TMEM196: variants seen among roughly 807,000 people sequenced by gnomAD.
The protein encoded by TMEM196 is transmembrane protein 196.
A neutral mutation model predicts 20.0 loss-of-function variants in TMEM196; 17 were observed. That is an observed-to-expected ratio of 0.85 (90% CI 0.58 to 1.27). The LOEUF (loss-of-function observed/expected upper bound fraction) is 1.27, where lower values mean the gene tolerates loss of function less well. Among genes scored for constraint, TMEM196 ranks in the 50% most tolerant of loss-of-function variants. The pLI, the probability that TMEM196 is intolerant of heterozygous loss-of-function variation, is 0.00. For missense variants in TMEM196, 267 were observed against 223.0 expected, an observed-to-expected ratio of 1.20 and a Z score of -1.26; for synonymous variants, 113 against 88.9, an observed-to-expected ratio of 1.27 and a Z score of -1.52.
chr7:19,757,848 C>T (rs1785278394), intron 1 of TMEM196, among the ~76,000 whole-genome samples: 1 of 151,840 alleles, frequency 6.6e-6, no homozygotes, highest in Admixed American at 6.6e-5. Flanking sequence ...ATATGCTGTA[C>T]TCTATCCATG....
intron 1 of TMEM196, among the ~76,000 whole-genome samples, chr7:19,761,291 C>G (rs558525549): frequency 2.6e-5 from 4 of 152,266 alleles, no homozygotes; most frequent in Admixed American, 2.6e-4. Context: ...ATGCAATGTT[C>G]TTTTTTCCTT....
chr7:19,771,117 C>G (rs567535417), intron 1 of TMEM196, among the ~76,000 whole-genome samples: 37 of 152,018 alleles, frequency 2.4e-4, no homozygotes, highest in Non-Finnish European at 4.7e-4. Context: ...ACAACAAAAA[C>G]AAGAACAATA....
intron 1 of TMEM196, among the ~76,000 whole-genome samples, chr7:19,748,593 G>T (rs1367862723): frequency 1.3e-5 from 2 of 152,178 alleles, no homozygotes; most frequent in East Asian, 3.9e-4. Context: ...TCCGTCTGAT[G>T]ATGGTAGTAC....
At chr7:19,748,480 A>C (rs992502753) in intron 1 of TMEM196, among the ~76,000 whole-genome samples, 1 of 152,144 alleles carries the variant, frequency 6.6e-6, no homozygotes, top group South Asian at 2.1e-4. Flanking sequence ...AATTTAAGTG[A>C]TTCTGTCCGC....
At chr7:19,746,772 C>T (rs1757805389) in intron 1 of TMEM196, among the ~76,000 whole-genome samples, 1 of 152,160 alleles carries the variant, frequency 6.6e-6, no homozygotes, top group Non-Finnish European at 1.5e-5. Flanking sequence ...GGGCCACCTT[C>T]CAAAATAATT....
In TMEM196 at chr7:19,724,314, G is replaced by A; in HGVS notation, c.499C>T (p.Pro167Ser). ...AIEITDLPSC[P>S]VVPPTPELPT... ...AACTCTGGTGTCGGGGGCACCACCGGGCAGCTGGGCAAGTCGGTTATTTCA... is the reference window on the plus strand; with the variant it reads ...AACTCTGGTGTCGGGGGCACCACCGAGCAGCTGGGCAAGTCGGTTATTTCA... Residue 167 changes from proline to serine, a missense_variant, in exon 4 of 5, where the codon CCG (proline) becomes TCG (serine). By Grantham distance (74) the Pro-to-Ser change is moderately conservative (BLOSUM62 -1). Transcript: ENST00000405844. 6.5e-7 allele frequency: 1 copy of A among 1,550,266 alleles called. No individual in the cohort carries two copies. Among genetic ancestry groups the A allele is most frequent in the Non-Finnish European group, 8.7e-7 (1 of 1,146,838 alleles).
At chr7:19,766,625 G>GGA (rs1474048190) in intron 1 of TMEM196, among the ~76,000 whole-genome samples, 1 of 151,164 alleles carries the variant, frequency 6.6e-6, no homozygotes, top group Non-Finnish European at 1.5e-5. Context: ...AATGAAATTT[G>GGA]GATCACTTCA....
intron 1 of TMEM196, among the ~76,000 whole-genome samples, chr7:19,756,008 C>G (rs1785194240): frequency 6.7e-6 from 1 of 150,260 alleles, no homozygotes; most frequent in African/African-American, 2.5e-5. Context: ...CAGCCTCCAG[C>G]CTGGACAGCA....
chr7:19,764,924 A>G (rs902905053), intron 1 of TMEM196, among the ~76,000 whole-genome samples: 1 of 152,192 alleles, frequency 6.6e-6, no homozygotes, highest in African/African-American at 2.4e-5. Context: ...GGCCTCAGCG[A>G]AAGTTTTTCA....
chr7:19,770,830 AT>A (rs1224200477), intron 1 of TMEM196, among the ~76,000 whole-genome samples: 2 of 152,090 alleles, frequency 1.3e-5, no homozygotes, highest in South Asian at 2.1e-4. Context: ...ATATTTAATC[AT>A]TTTTTTCTTA....
At chr7:19,767,584 A>G (rs1785687038) in intron 1 of TMEM196, among the ~76,000 whole-genome samples, 1 of 152,040 alleles carries the variant, frequency 6.6e-6, no homozygotes, top group Non-Finnish European at 1.5e-5. Flanking sequence ...TTGATGAGGG[A>G]GTAGGGAAAA....
At chr7:19,745,633 G>A (rs1490072161) in intron 1 of TMEM196, among the ~76,000 whole-genome samples, 2 of 150,210 alleles carry the variant, frequency 1.3e-5, no homozygotes, top group African/African-American at 4.9e-5. Context: ...AAAGAGACAT[G>A]GCTAGAAAAT....
At chr7:19,760,156 C>G (rs1194321713) in intron 1 of TMEM196, among the ~76,000 whole-genome samples, 1 of 152,032 alleles carries the variant, frequency 6.6e-6, no homozygotes, top group African/African-American at 2.4e-5. Flanking sequence ...CATTCAGTTT[C>G]TGAAACACAC....
chr7:19,747,589 T>C (rs1269589378), intron 1 of TMEM196, among the ~76,000 whole-genome samples: 3 of 152,236 alleles, frequency 2.0e-5, no homozygotes, highest in Non-Finnish European at 4.4e-5. Flanking sequence ...TTTCATGTCA[T>C]ACAGCAGGCA....
At chr7:19,769,609 A>C (rs548365698) in intron 1 of TMEM196, among the ~76,000 whole-genome samples, 4 of 152,266 alleles carry the variant, frequency 2.6e-5, no homozygotes, top group Admixed American at 2.6e-4. Context: ...ACTACAGTCC[A>C]TTCAATTTAC....
At chr7:19,749,481 G>C (rs1011250982) in intron 1 of TMEM196, among the ~76,000 whole-genome samples, 35 of 152,060 alleles carry the variant, frequency 2.3e-4, no homozygotes, top group African/African-American at 8.0e-4. Context: ...ACAAACCCTT[G>C]GTAATAACCC....
chr7:19,727,109 G>A (rs534027549), intron 2 of TMEM196, among the ~76,000 whole-genome samples: 82 of 152,006 alleles, frequency 5.4e-4, no homozygotes, highest in Non-Finnish European at 8.4e-4. Context: ...TTTCATTGAC[G>A]GTTGAGTTTA....
In TMEM196 at chr7:19,724,268, A is replaced by G; in HGVS notation, c.533+12T>C. 2 of 1,550,274 alleles carry G rather than the reference A, an allele frequency of 1.3e-6. No homozygotes were observed. The highest frequency in any genetic ancestry group is 1.7e-6 in the Non-Finnish European group (2 of 1,146,736). On this transcript the variant is annotated intron_variant, in intron 4 of 4. Transcript: ENST00000405844. ...ACATTACAACATGGTAACTCCCTAG[A>G]AATCAGCGTACCTTGTAGGTAACTC...
At chr7:19,758,527 A>G (rs1785306015) in intron 1 of TMEM196, among the ~76,000 whole-genome samples, 1 of 152,164 alleles carries the variant, frequency 6.6e-6, no homozygotes, top group Admixed American at 6.5e-5. Context: ...AAAAAAACAG[A>G]TGATTTGGAC....
Sources: gnomAD v4.1 joint callset for allele counts (sites outside exome capture counted in the v4.1 genomes callset) on GRCh38, gnomAD v4.1.1 for gene constraint, MANE v1.5 for transcripts, NCBI Gene and HGNC (gene_info 2026-07-23, HGNC 2026-07-21) for gene names.